CFAP46: variants seen among roughly 807,000 people sequenced by gnomAD.
CFAP46 encodes the protein cilia and flagella associated protein 46, also known as cilia- and flagella-associated protein 46.
In CFAP46, 245 loss-of-function variants were observed where a neutral mutation model predicts 325.7. The ratio of observed to expected loss-of-function variants is 0.75; its 90% CI spans 0.68 to 0.84. The LOEUF is 0.84. CFAP46 is among the 40% of genes least tolerant of loss of function. The probability of loss-of-function intolerance (pLI) is 0.00; values close to 1 mark genes in which losing one functional copy is unlikely to be tolerated. For synonymous variants in CFAP46, 1,523 were observed against 1,495.9 expected (o/e 1.02, Z -0.42); for missense variants, 3,346 against 3,543.0 (o/e 0.94, Z 1.41).
At chr10:132,907,838 C>T (rs866322900) in intron 22 of CFAP46, among the ~76,000 whole-genome samples, 1 of 152,202 alleles carries the variant, frequency 6.6e-6, no homozygotes, top group African/African-American at 2.4e-5. Flanking sequence ...CCTGCCCCTT[C>T]CCGCATGTGA....
intron 4 of CFAP46, 46 bp from the exon 5 acceptor site, chr10:132,938,799 C>G (rs766605943): frequency 1.3e-6 from 2 of 1,579,614 alleles, no homozygotes; most frequent in Admixed American, 1.7e-5. Context: ...AAAGCCCAGC[C>G]GGCCCAAGCT....
rs191912577 is a variant in CFAP46 at position 132,850,979 on chromosome 10, C to G, written c.5763+138G>C. ...GTGAGACAATGCCCGGGAGCTCCCCCTGCTGCAAGAGGTCCCCAGCTGACC... is the reference window on the plus strand; with the variant it reads ...GTGAGACAATGCCCGGGAGCTCCCCGTGCTGCAAGAGGTCCCCAGCTGACC... On this transcript the variant is annotated intron_variant, in intron 40 of 57. Coordinates refer to ENST00000368586, the MANE Select transcript of CFAP46 (RefSeq NM_001200049.3). The G allele has an allele frequency of 1.2e-5, 11 of 953,476 alleles. No individual in the cohort carries two copies. The East Asian group carries it at 2.8e-4, about 24-fold the overall frequency. The allele number at this position is 953,476 out of a possible 1,614,324, so 59.1% of individuals were successfully genotyped here.
chr10:132,812,423 C>T (rs1847599683), intron 55 of CFAP46, among the ~76,000 whole-genome samples: 1 of 152,148 alleles, frequency 6.6e-6, no homozygotes, highest in African/African-American at 2.4e-5. Context: ...AGGGAGGGGC[C>T]GTGACCAGCG....
intron 19 of CFAP46, among the ~76,000 whole-genome samples, chr10:132,912,124 A>AC (rs150211323): frequency 0.49 from 32,711 of 66,602 alleles, 5,239 homozygotes; most frequent in Admixed American, 0.57. Context: ...CTCCACCCCC[A>AC]CCCCCCCACC....
chr10:132,859,260 C>G lies in CFAP46; in HGVS notation c.5199-13G>C. On this transcript the variant is annotated splice_polypyrimidine_tract_variant and intron_variant, in intron 37 of 57. Transcript: ENST00000368586. ...CAGGCTCAGGCACCTGACGGAGGGA[C>G]GGTTTGGGGCCTGGAGTCAGAAGCC... The G allele has an allele frequency of 3.9e-6, 6 of 1,542,906 alleles. No individual in the cohort carries two copies. Among genetic ancestry groups the G allele is most frequent in the Non-Finnish European group, 5.2e-6 (6 of 1,144,712 alleles).
intron 6 of CFAP46, 55 bp downstream of exon 6, chr10:132,937,497 A>G (rs1564806775): frequency 1.2e-6 from 2 of 1,607,524 alleles, no homozygotes; most frequent in East Asian, 4.5e-5. Flanking sequence ...TTTTCTGAAC[A>G]ATGACTTTTA....
At chr10:132,882,277 G>A (rs948964864) in intron 27 of CFAP46, among the ~76,000 whole-genome samples, 17 of 151,540 alleles carry the variant, frequency 1.1e-4, no homozygotes, top group Admixed American at 5.9e-4. Flanking sequence ...GGTATTGGGT[G>A]TGAATGGTGT....
chr10:132,934,760 A>C lies in CFAP46; in HGVS notation c.858T>G (p.Ser286Arg), dbSNP rs1271911106. Residue 286 changes from serine to arginine, a missense_variant, in exon 8 of 58, where the codon AGT becomes AGG. Coordinates refer to ENST00000368586, the MANE Select transcript of CFAP46 (RefSeq NM_001200049.3). The part of the protein sequence containing the change: ...HYNHQRFPSI[S>R]EEKMLLLFEL... ...AAAATACAAACACTTACTTTTCTTC[A>C]CTGATAGAGGGAAAGCGCTGGTGGT... The C allele has an allele frequency of 4.4e-6, 7 of 1,595,222 alleles. No individual in the cohort carries two copies. Among genetic ancestry groups the C allele is most frequent in the Non-Finnish European group, 6.0e-6 (7 of 1,164,450 alleles).
chr10:132,924,371 T>G (rs908456849), intron 11 of CFAP46, among the ~76,000 whole-genome samples: 1 of 145,968 alleles, frequency 6.9e-6, no homozygotes, highest in Non-Finnish European at 1.5e-5. Flanking sequence ...TCACCCAGCA[T>G]GGCCCAAGTC....
At chr10:132,899,480 G>T (rs1849364100) in intron 23 of CFAP46, 55 bp downstream of exon 23, 1 of 1,493,424 alleles carries the variant, frequency 6.7e-7, no homozygotes, top group Non-Finnish European at 8.9e-7. Flanking sequence ...GAGCACAGGG[G>T]TCCCGCACGG....
At chr10:132,811,055 C>G (rs1244934489) in intron 55 of CFAP46, 24 bp from the exon 56 acceptor site, 2 of 1,559,772 alleles carry the variant, frequency 1.3e-6, no homozygotes, top group Non-Finnish European at 1.7e-6. Flanking sequence ...AAGGGCAGCT[C>G]AGCAGCCTTG....
chr10:132,824,374 GTGC>G (rs1847983878), intron 50 of CFAP46, among the ~76,000 whole-genome samples: 1 of 131,076 alleles, frequency 7.6e-6, no homozygotes, highest in Non-Finnish European at 1.6e-5. Context: ...TGCTGTGTGA[GTGC>G]TGATGTGTGC....
intron 19 of CFAP46, among the ~76,000 whole-genome samples, chr10:132,912,352 CCT>C (rs374858572): frequency 2.3e-3 from 324 of 138,364 alleles, no homozygotes; most frequent in Admixed American, 5.0e-3. Flanking sequence ...TGTCTCTTCT[CCT>C]CTCTTTCTCC....
At chr10:132,837,299 A>G (rs1339577796) in intron 44 of CFAP46, among the ~76,000 whole-genome samples, 1 of 152,214 alleles carries the variant, frequency 6.6e-6, no homozygotes, top group Non-Finnish European at 1.5e-5. Flanking sequence ...ACACATGGAG[A>G]CATACATGTA....
rs1314011080 is a variant in CFAP46 at position 132,889,868 on chromosome 10, G to A, written c.3304+2465C>T. ...GGCCGTCCCGCCTGATTAAAGTATTGATGCGGCCTGGACGCTAAGCATTTA... is the reference window on the plus strand; with the variant it reads ...GGCCGTCCCGCCTGATTAAAGTATTAATGCGGCCTGGACGCTAAGCATTTA... On this transcript the variant is annotated intron_variant, in intron 25 of 57. Coordinates refer to ENST00000368586, the MANE Select transcript of CFAP46 (RefSeq NM_001200049.3). The surrounding 1 kb of genome is among the most constrained non-coding windows in gnomAD (Gnocchi z 6.0). Among the ~76,000 whole-genome samples, 1 of 152,218 alleles carries A rather than the reference G, an allele frequency of 6.6e-6. No individual in the cohort carries two copies. The highest frequency in any genetic ancestry group is 1.5e-5 in the Non-Finnish European group (1 of 68,034).
chr10:132,821,420 C>T (rs796179358), intron 50 of CFAP46, among the ~76,000 whole-genome samples: 295 of 81,298 alleles, frequency 3.6e-3, no homozygotes, highest in East Asian at 6.1e-3. Flanking sequence ...GCTGTGTGAG[C>T]GCTGATGTGT....
In CFAP46 at chr10:132,872,814, A is replaced by C; in HGVS notation, c.4373T>G (p.Leu1458Trp). ...PSSIQKPTYS[L>W]YFLDHLVKAL... is the part of the protein sequence containing the mutation. ...CTTGACCAGGTGGTCCAGGAAATACAAACTGTATGTCTACATGGACACATA... is the reference window on the plus strand; with the variant it reads ...CTTGACCAGGTGGTCCAGGAAATACCAACTGTATGTCTACATGGACACATA... Residue 1458 changes from leucine to tryptophan, a missense_variant, in exon 32 of 58, where the codon TTG becomes TGG. Leu to Trp is a moderately conservative substitution (Grantham distance 61). Coordinates refer to ENST00000368586, the MANE Select transcript of CFAP46 (RefSeq NM_001200049.3). 1 of 1,551,186 alleles carries C rather than the reference A, an allele frequency of 6.4e-7. No homozygotes were observed. The highest frequency in any genetic ancestry group is 8.7e-7 in the Non-Finnish European group (1 of 1,147,138).
At chr10:132,880,478 G>A (rs924177504) in intron 28 of CFAP46, among the ~76,000 whole-genome samples, 2 of 152,228 alleles carry the variant, frequency 1.3e-5, no homozygotes, top group African/African-American at 4.8e-5. Flanking sequence ...TGCCCACAGG[G>A]TCTGAGGTGC....
chr10:132,859,400 C>T (rs1280206824), intron 37 of CFAP46, among the ~76,000 whole-genome samples, 153 bp from the exon 38 acceptor site: 1 of 152,144 alleles, frequency 6.6e-6, no homozygotes, highest in African/African-American at 2.4e-5. Context: ...TCATATGGGC[C>T]TCATTCTGTG....
Sources: gnomAD v4.1 joint callset for allele counts (sites outside exome capture counted in the v4.1 genomes callset) on GRCh38, gnomAD v4.1.1 for gene constraint, Gnocchi (gnomAD v3.1) non-coding constraint, MANE v1.5 for transcripts, NCBI Gene and HGNC (gene_info 2026-07-23, HGNC 2026-07-21) for gene names.